Variants in MAN2A1 observed in about 807,000 individuals in gnomAD.
MAN2A1 encodes the protein mannosidase alpha class 2A member 1.
In MAN2A1, 76 loss-of-function variants were observed where a neutral mutation model predicts 142.6. That is an observed-to-expected ratio of 0.53 (90% CI 0.44 to 0.65). The LOEUF (loss-of-function observed/expected upper bound fraction) is 0.65. MAN2A1 is among the 30% of genes least tolerant of loss of function. The probability of loss-of-function intolerance (pLI) is 0.00; values close to 1 mark genes in which losing one functional copy is unlikely to be tolerated. For synonymous variants in MAN2A1, 559 were observed against 473.2 expected (o/e 1.18, Z -2.35); for missense variants, 1,311 against 1,365.1 (o/e 0.96, Z 0.62).
chr5:109,694,364 A>T (rs1455426388), intron 1 of MAN2A1, among the ~76,000 whole-genome samples: 2 of 149,862 alleles, frequency 1.3e-5, no homozygotes, highest in Non-Finnish European at 3.0e-5. Flanking sequence ...TCTTTGGGAT[A>T]GGGTTTTGCT....
rs1754573340 is a variant in MAN2A1 at position 109,819,796 on chromosome 5, T to A, written c.2237T>A (p.Phe746Tyr). Residue 746 changes from phenylalanine (F) to tyrosine (Y), a missense_variant, in exon 14 of 22, where the codon TTC (phenylalanine) becomes TAC (tyrosine). Transcript: ENST00000261483. ...YKNKVEDSGI[F>Y]TIKNMINTEE... Reference sequence around the variant, plus strand: ...AATAAAGTAGAAGATAGCGGAATTTTCACCATAAAGAATATGATAAATACT... The same window carrying A: ...AATAAAGTAGAAGATAGCGGAATTTACACCATAAAGAATATGATAAATACT... 1 of 1,610,826 alleles carries A rather than the reference T, an allele frequency of 6.2e-7. No homozygotes were observed. Among genetic ancestry groups the A allele is most frequent in the African/African-American group, 1.3e-5 (1 of 74,828 alleles).
intron 5 of MAN2A1, among the ~76,000 whole-genome samples, chr5:109,758,676 A>G (rs1416708331): frequency 2.0e-5 from 3 of 148,580 alleles, no homozygotes; most frequent in Non-Finnish European, 4.5e-5. Flanking sequence ...TATTATATTT[A>G]GTTAATATTA....
At chr5:109,815,597 G>A (rs1754434616) in intron 12 of MAN2A1, among the ~76,000 whole-genome samples, 1 of 152,152 alleles carries the variant, frequency 6.6e-6, no homozygotes, top group Non-Finnish European at 1.5e-5. Context: ...TGCTTCTGAT[G>A]AACAATTTAT....
At position 109,773,819 on chromosome 5, in the gene MAN2A1, A is replaced by G. The variant is rs372670587; in HGVS notation, c.1197-969A>G. Among the ~76,000 whole-genome samples the G allele has an allele frequency of 8.5e-5, 13 of 152,278 alleles. No individual in the cohort carries two copies. In the South Asian group the frequency reaches 2.7e-3, roughly 32 times the overall value. On this transcript the variant is annotated intron_variant, in intron 7 of 21. Coordinates refer to ENST00000261483, the MANE Select transcript of MAN2A1 (RefSeq NM_002372.4). ...TTGAGATACTTTCGTAAGTTTTTAT[A>G]TTGTGAATTAGAATTTACTTTTGGA...
rs371659561 is a variant in MAN2A1 at position 109,815,005 on chromosome 5, C to T, written c.1944-2268C>T. Among the ~76,000 whole-genome samples, 7 of 152,224 alleles carry T rather than the reference C, an allele frequency of 4.6e-5. No individual in the cohort carries two copies. In the East Asian group the frequency reaches 1.2e-3, roughly 25 times the overall value. ...TTTTCAGGCACCATTTTCTCAAGTTCTTTAAATACTAGCTCTGTAAGCCTC... is the reference window on the plus strand; with the variant it reads ...TTTTCAGGCACCATTTTCTCAAGTTTTTTAAATACTAGCTCTGTAAGCCTC... On this transcript the variant is annotated intron_variant, in intron 12 of 21. Coordinates refer to ENST00000261483, the MANE Select transcript of MAN2A1 (RefSeq NM_002372.4).
intron 4 of MAN2A1, among the ~76,000 whole-genome samples, chr5:109,735,760 A>T (rs1397942226): frequency 6.6e-6 from 1 of 152,052 alleles, no homozygotes; most frequent in Non-Finnish European, 1.5e-5. Context: ...CTTTGTAATT[A>T]ATTTGTTAAA....
Position 109,865,046 on chromosome 5 carries a change from G to A in MAN2A1, c.3182G>A (p.Gly1061Glu). The A allele has an allele frequency of 6.2e-7, 1 of 1,613,320 alleles. No individual in the cohort carries two copies. Among genetic ancestry groups the A allele is most frequent in the Non-Finnish European group, 8.5e-7 (1 of 1,179,366 alleles). ...LRTIQSKVGN[G>E]HSNEAALILH... is the part of the protein sequence containing the mutation. ...TCTGCTCATTTGCAGGTGGGCAATG[G>A]GCACTCCAATGAGGCAGCCTTGATC... Residue 1061 changes from glycine (G) to glutamate (E), a missense_variant, in exon 21 of 22, where the codon GGG (glycine) becomes GAG (glutamate). Around this residue, in one of 3 missense-constraint regions of MAN2A1, gnomAD observed 890 missense variants for 920.5 expected, o/e 0.97. Coordinates refer to ENST00000261483, the MANE Select transcript of MAN2A1 (RefSeq NM_002372.4).
intron 5 of MAN2A1, among the ~76,000 whole-genome samples, chr5:109,764,818 A>AT (rs1251161260): frequency 1.3e-5 from 2 of 152,072 alleles, no homozygotes; most frequent in African/African-American, 4.8e-5. Flanking sequence ...TGTCCTTGTT[A>AT]TTTGGACAAT....
intron 7 of MAN2A1, among the ~76,000 whole-genome samples, chr5:109,771,082 C>T (rs2112651827): frequency 6.6e-6 from 1 of 152,166 alleles, no homozygotes; most frequent in South Asian, 2.1e-4. Flanking sequence ...TACTTAAATA[C>T]ATTTAAATAA....
intron 3 of MAN2A1, among the ~76,000 whole-genome samples, chr5:109,725,347 G>T (rs1295873812): frequency 3.3e-5 from 5 of 152,152 alleles, no homozygotes; most frequent in African/African-American, 1.2e-4. Flanking sequence ...CCCAGGCCTG[G>T]CCCTGTCCCA....
At chr5:109,792,497 C>A in intron 12 of MAN2A1, among the ~76,000 whole-genome samples, 1 of 152,100 alleles carries the variant, frequency 6.6e-6, no homozygotes, top group South Asian at 2.1e-4. Context: ...GAGAAAGTCA[C>A]TTCTAAATTC....
rs888278501 is a variant in MAN2A1, at chr5:109,777,226, C to G, written c.1374+2261C>G. ...TACAAGAGGTTCAGTTGTTCCACAC[C>G]CTTTCTCAGTTTGTATTGTCAGGAT... On this transcript the variant is annotated intron_variant, in intron 8 of 21. Coordinates refer to ENST00000261483, the MANE Select transcript of MAN2A1 (RefSeq NM_002372.4). Among the ~76,000 whole-genome samples, 26 of 151,848 alleles carry G rather than the reference C, an allele frequency of 1.7e-4. 1 individual carries two copies. Among genetic ancestry groups the G allele is most frequent in the African/African-American group, 6.3e-4 (26 of 41,362 alleles).
At chr5:109,842,950 C>T (rs927761276) in intron 17 of MAN2A1, among the ~76,000 whole-genome samples, 6 of 151,702 alleles carry the variant, frequency 4.0e-5, no homozygotes, top group African/African-American at 1.2e-4. Context: ...GCACTACAGG[C>T]GCACACCACT....
intron 9 of MAN2A1, among the ~76,000 whole-genome samples, chr5:109,784,290 G>A (rs1186363232): frequency 2.0e-5 from 3 of 151,948 alleles, no homozygotes; most frequent in East Asian, 1.9e-4. Context: ...TGAGTGTCCC[G>A]CTCACCGACC....
intron 1 of MAN2A1, among the ~76,000 whole-genome samples, chr5:109,700,396 G>A (rs1205863629): frequency 4.0e-5 from 6 of 151,758 alleles, no homozygotes; most frequent in Non-Finnish European, 8.8e-5. Flanking sequence ...CCTTCAGGGT[G>A]AGGACTTCGG....
At chr5:109,771,894 G>A (rs1442868299) in intron 7 of MAN2A1, among the ~76,000 whole-genome samples, 1 of 152,016 alleles carries the variant, frequency 6.6e-6, no homozygotes, top group Admixed American at 6.6e-5. Flanking sequence ...CTTTTTTTGG[G>A]GGGTGCTACT....
At chr5:109,778,749 T>C (rs1190140177) in intron 8 of MAN2A1, among the ~76,000 whole-genome samples, 1 of 152,140 alleles carries the variant, frequency 6.6e-6, no homozygotes, top group African/African-American at 2.4e-5. Context: ...TTCAAAGCTT[T>C]TTCTTTCTAC....
At chr5:109,766,079 G>T (rs1752980584) in intron 5 of MAN2A1, among the ~76,000 whole-genome samples, 1 of 151,916 alleles carries the variant, frequency 6.6e-6, no homozygotes. Context: ...GAAAATTTGT[G>T]TATGTTTGTG....
chr5:109,796,857 C>G (rs1264050179), intron 12 of MAN2A1, among the ~76,000 whole-genome samples: 1 of 152,142 alleles, frequency 6.6e-6, no homozygotes, highest in African/African-American at 2.4e-5. Context: ...CTCTTTACAT[C>G]CTTCATGACA....
Sources: gnomAD v4.1 joint callset for allele counts (sites outside exome capture counted in the v4.1 genomes callset) on GRCh38, gnomAD v4.1.1 for gene constraint, gnomAD v4.1.1 regional missense constraint, MANE v1.5 for transcripts, NCBI Gene and HGNC (gene_info 2026-07-23, HGNC 2026-07-21) for gene names.